Variants in FAM76B observed in about 807,000 individuals in gnomAD.
The protein encoded by FAM76B is family with sequence similarity 76 member B, also known as protein FAM76B.
FAM76B carries 16 observed loss-of-function variants against 51.8 expected under a neutral mutation model. The ratio of observed to expected loss-of-function variants is 0.31; its 90% CI spans 0.21 to 0.47. FAM76B has a LOEUF of 0.47. Ranked by LOEUF, FAM76B falls within the 20% of genes least tolerant of loss-of-function variation. The pLI is 1.00. For missense variants in FAM76B, 342 were observed against 392.6 expected, an observed-to-expected ratio of 0.87 and a Z score of 1.09; for synonymous variants, 166 against 129.5, an observed-to-expected ratio of 1.28 and a Z score of -1.91.
chr11:95,779,946 C>T lies in FAM76B; in HGVS notation c.564-20G>A. The T allele has an allele frequency of 6.3e-7, 1 of 1,595,100 alleles. No homozygotes were observed. Among genetic ancestry groups the T allele is most frequent in the Non-Finnish European group, 8.5e-7 (1 of 1,170,688 alleles). ...CTGATTCTGAAAAATACACAAATGA[C>T]ATCTAATAATGACATTTATTTATTT... On this transcript the variant is annotated intron_variant, in intron 5 of 9. Coordinates refer to ENST00000358780, the MANE Select transcript of FAM76B (RefSeq NM_144664.5).
At position 95,785,955 on chromosome 11, in the gene FAM76B, T is replaced by C. The variant is rs190681022; in HGVS notation, c.363+164A>G. On this transcript the variant is annotated intron_variant, in intron 4 of 9. Transcript: ENST00000358780. ...GTATAGTACATGAATCTATGTATCA[T>C]GCAAACAAAGAGAAAACTCACTATT... Among the ~76,000 whole-genome samples, 145 of 152,346 alleles carry C rather than the reference T, an allele frequency of 9.5e-4. 1 individual carries two copies. The highest frequency in any genetic ancestry group is 2.7e-3 in the East Asian group (14 of 5,184).
intron 4 of FAM76B, among the ~76,000 whole-genome samples, 163 bp downstream of exon 4, chr11:95,785,956 G>A (rs553058334): frequency 2.2e-4 from 33 of 152,290 alleles, no homozygotes; most frequent in African/African-American, 7.5e-4. Context: ...TATGTATCAT[G>A]CAAACAAAGA....
Position 95,769,971 on chromosome 11 carries a change from CAT to C in FAM76B, c.*1588_*1589del, listed in dbSNP as rs1859697141. 6.6e-6 allele frequency: 1 copy of C among 151,516 alleles called. No homozygotes were observed. Among genetic ancestry groups the C allele is most frequent in the Non-Finnish European group, 1.5e-5 (1 of 67,594 alleles). 9.4% of individuals were successfully genotyped at this position (151,516 alleles called of 1,614,324 possible). A position where few individuals can be genotyped will look rare whatever the true frequency, so the allele number is the denominator to read the frequency against. On this transcript the variant is annotated 3_prime_UTR_variant, in exon 10 of 10. Coordinates refer to ENST00000358780, the MANE Select transcript of FAM76B (RefSeq NM_144664.5). ...CATGTTAAAAAAAAATTGTTTCAAT[CAT>C]GTGTTCTTAAGAAAGCCAATCTTTG... is the stretch of plus-strand genomic sequence containing the variant.
At position 95,783,539 on chromosome 11, in the gene FAM76B, C is replaced by T. The variant is rs190123953; in HGVS notation, c.364-275G>A. On this transcript the variant is annotated intron_variant, in intron 4 of 9. Coordinates refer to ENST00000358780, the MANE Select transcript of FAM76B (RefSeq NM_144664.5). ...AGAAAAAGAAAATGTTACCTTTTTTCTTATTCCAGGAGAATAAGCATAAAC... is the reference window on the plus strand; with the variant it reads ...AGAAAAAGAAAATGTTACCTTTTTTTTTATTCCAGGAGAATAAGCATAAAC... Among the ~76,000 whole-genome samples the T allele has an allele frequency of 3.4e-3, 518 of 152,186 alleles. 2 individuals carry two copies. Among genetic ancestry groups the T allele is most frequent in the Non-Finnish European group, 6.1e-3 (413 of 67,992 alleles).
rs777299820 is a variant in FAM76B at position 95,779,671 on chromosome 11, T to C, written c.628A>G (p.Thr210Ala). Residue 210 changes from threonine to alanine, a missense_variant, in exon 7 of 10, where the codon ACA becomes GCA. Around this residue, in one of 3 missense-constraint regions of FAM76B, gnomAD observed 230 missense variants for 257.4 expected, o/e 0.89. Coordinates refer to ENST00000358780, the MANE Select transcript of FAM76B (RefSeq NM_144664.5). ...TTCTTTGGAGTTTCATTCTGAATTGTTGCAGAGGATTTATGGCTGAAACCA... is the reference window on the plus strand; with the variant it reads ...TTCTTTGGAGTTTCATTCTGAATTGCTGCAGAGGATTTATGGCTGAAACCA... ...LWKQSHKSSA[T>A]IQNETPKKKP... 9.3e-6 allele frequency: 15 copies of C among 1,610,138 alleles called. No homozygotes were observed. The East Asian group carries it at 2.0e-4, about 22-fold the overall frequency.
intron 3 of FAM76B, among the ~76,000 whole-genome samples, chr11:95,787,155 T>C (rs1436665379): frequency 6.6e-6 from 1 of 152,258 alleles, no homozygotes; most frequent in Non-Finnish European, 1.5e-5. Flanking sequence ...TGTTTTTAAA[T>C]GTTATCACCT....
intron 8 of FAM76B, 68 bp from the exon 9 acceptor site, chr11:95,776,091 C>T (rs1396301917): frequency 1.7e-5 from 14 of 823,796 alleles, no homozygotes; most frequent in Non-Finnish European, 2.5e-5. Context: ...TTTTAAATAA[C>T]TTTCACAATA....
chr11:95,788,823 G>A (rs868204785), intron 1 of FAM76B: 5 of 1,451,808 alleles, frequency 3.4e-6, no homozygotes, highest in Middle Eastern at 1.8e-4. Flanking sequence ...CTATTTCAAG[G>A]ATTGGTTAAA....
intron 5 of FAM76B, among the ~76,000 whole-genome samples, chr11:95,782,209 A>G (rs1591019755): frequency 6.6e-6 from 1 of 152,138 alleles, no homozygotes; most frequent in East Asian, 1.9e-4. Context: ...GGGTTAAGGT[A>G]CTACTACTAC....
chr11:95,774,508 T>G (rs1859910950), intron 9 of FAM76B, among the ~76,000 whole-genome samples: 1 of 151,324 alleles, frequency 6.6e-6, no homozygotes, highest in African/African-American at 2.4e-5. Flanking sequence ...TTAAAACATA[T>G]CTGAGCACCT....
Position 95,789,625 on chromosome 11 carries a change from C to A in FAM76B, c.-147G>T, listed in dbSNP as rs563723869. ...CCACCAGGGCCTCGCCGCGAGAGCC[C>A]AGGGCCCCGCGGACGACGCCACCGT... On this transcript the variant is annotated 5_prime_UTR_variant, in exon 1 of 10. Coordinates refer to ENST00000358780, the MANE Select transcript of FAM76B (RefSeq NM_144664.5). 1.4e-4 allele frequency: 84 copies of A among 599,774 alleles called. 1 individual carries two copies. The South Asian group carries it at 1.9e-3, about 13-fold the overall frequency. 37.2% of individuals were successfully genotyped at this position (599,774 alleles called of 1,614,324 possible). A position where few individuals can be genotyped will look rare whatever the true frequency, so the allele number is the denominator to read the frequency against.
intron 9 of FAM76B, among the ~76,000 whole-genome samples, chr11:95,772,579 C>T (rs1859816753): frequency 6.6e-6 from 1 of 151,036 alleles, no homozygotes; most frequent in Admixed American, 6.6e-5. Context: ...TAGAGCACTG[C>T]CCTAAAATTA....
Position 95,770,912 on chromosome 11 carries a change from T to C in FAM76B, c.*649A>G, listed in dbSNP as rs1167032092. 1 of 151,744 alleles carries C rather than the reference T, an allele frequency of 6.6e-6. No homozygotes were observed. The highest frequency in any genetic ancestry group is 1.5e-5 in the Non-Finnish European group (1 of 67,432). The allele number at this position is 151,744 out of a possible 1,614,324, so 9.4% of individuals were successfully genotyped here. A position where few individuals can be genotyped will look rare whatever the true frequency, so the allele number is the denominator to read the frequency against. On this transcript the variant is annotated 3_prime_UTR_variant, in exon 10 of 10. Transcript: ENST00000358780. ...TGTAAGTAAAAATCTACAGTAGTTT[T>C]TACAAAACAGAAACACATTTTACCT...
Position 95,789,589 on chromosome 11 carries a change from C to T in FAM76B, c.-111G>A, listed in dbSNP as rs978777574. On this transcript the variant is annotated 5_prime_UTR_variant, in exon 1 of 10. Coordinates refer to ENST00000358780, the MANE Select transcript of FAM76B (RefSeq NM_144664.5). The stretch of plus-strand genomic sequence containing the variant: ...CGGGCTCCTCCTCCTCCCCCTCCCC[C>T]TGCCTCGCGCCCACCAGGGCCTCGC... The T allele has an allele frequency of 7.6e-6, 7 of 922,598 alleles. No individual in the cohort carries two copies. The East Asian group carries it at 2.1e-4, about 28-fold the overall frequency. 57.2% of individuals were successfully genotyped at this position (922,598 alleles called of 1,614,324 possible). A position where few individuals can be genotyped will look rare whatever the true frequency, so the allele number is the denominator to read the frequency against.
At chr11:95,787,486 C>G in intron 3 of FAM76B, 138 bp downstream of exon 3, 1 of 706,834 alleles carries the variant, frequency 1.4e-6, no homozygotes, top group Non-Finnish European at 2.4e-6. Context: ...GTGATCCGCC[C>G]TCCTCGGCCT....
intron 3 of FAM76B, among the ~76,000 whole-genome samples, 194 bp downstream of exon 3, chr11:95,787,430 T>C (rs534521122): frequency 3.4e-4 from 52 of 152,208 alleles, no homozygotes; most frequent in African/African-American, 6.7e-4. Context: ...TTAGTAGACA[T>C]GGGGTTTCAC....
In FAM76B at chr11:95,788,569, A is replaced by AT; in HGVS notation, c.88-7dup. On this transcript the variant is annotated splice_polypyrimidine_tract_variant and splice_region_variant and intron_variant, in intron 1 of 9. Coordinates refer to ENST00000358780, the MANE Select transcript of FAM76B (RefSeq NM_144664.5). ...GGATGTGCAATCCGACATTCCTGTA[A>AT]TAAGACAATACATTAGTCAGTATCT... 2.5e-6 allele frequency: 4 copies of AT among 1,610,224 alleles called. No homozygotes were observed. Among genetic ancestry groups the AT allele is most frequent in the Non-Finnish European group, 3.4e-6 (4 of 1,177,834 alleles).
chr11:95,772,658 T>A (rs1859820593), intron 9 of FAM76B, among the ~76,000 whole-genome samples: 1 of 151,196 alleles, frequency 6.6e-6, no homozygotes, highest in Non-Finnish European at 1.5e-5. Context: ...TCCAGGAATT[T>A]TTATTATATA....
In FAM76B at chr11:95,770,829, G is replaced by A. The variant is rs1046689206; in HGVS notation, c.*732C>T. ...ATTAAACATGATTTTAAAACAAAAT[G>A]TATGTACAAAAGATCAGCATTCCTA... On this transcript the variant is annotated 3_prime_UTR_variant, in exon 10 of 10. Coordinates refer to ENST00000358780, the MANE Select transcript of FAM76B (RefSeq NM_144664.5). 6.6e-6 allele frequency: 1 copy of A among 151,638 alleles called. No individual in the cohort carries two copies. The highest frequency in any genetic ancestry group is 1.5e-5 in the Non-Finnish European group (1 of 67,394). 9.4% of individuals were successfully genotyped at this position (151,638 alleles called of 1,614,324 possible). A position where few individuals can be genotyped will look rare whatever the true frequency, so the allele number is the denominator to read the frequency against.
Sources: allele counts gnomAD v4.1 joint callset (sites outside exome capture counted in the v4.1 genomes callset), GRCh38; gene constraint gnomAD v4.1.1; regional missense constraint gnomAD v4.1.1; transcripts MANE v1.5; gene names NCBI Gene and HGNC (gene_info 2026-07-23, HGNC 2026-07-21).